The following TBC1D22A variants were observed in gnomAD, a reference collection of about 807,000 sequenced individuals.
TBC1D22A encodes the protein putative GTPase activator.
TBC1D22A carries 38 observed loss-of-function variants against 60.2 expected under a neutral mutation model. That is an observed-to-expected ratio of 0.63 (90% CI 0.49 to 0.83). TBC1D22A has a LOEUF of 0.83. TBC1D22A is among the 40% of genes least tolerant of loss of function. The pLI is 0.00. For synonymous variants in TBC1D22A, 302 were observed against 281.7 expected (o/e 1.07, Z -0.72); for missense variants, 628 against 701.0 (o/e 0.90, Z 1.18).
chr22:46,774,378 C>A (rs993416868), intron 1 of TBC1D22A: 44 of 471,318 alleles, frequency 9.3e-5, no homozygotes, highest in Admixed American at 3.2e-4. Context: ...TTTTGAGTAT[C>A]CCCAGACTTT....
In TBC1D22A at chr22:47,175,298, C is replaced by G. The variant is rs1161900328; in HGVS notation, c.*1672C>G. The G allele has an allele frequency of 4.6e-5, 7 of 152,418 alleles. No individual in the cohort carries two copies. Among genetic ancestry groups the G allele is most frequent in the Admixed American group, 4.6e-4 (7 of 15,294 alleles). The allele number at this position is 152,418 out of a possible 1,614,324, so 9.4% of individuals were successfully genotyped here. ...GTCCCCACCCCAGGGTCAAGGGTTC[C>G]TCAGACCAGCCATGCCTCCTCCTCC... On this transcript the variant is annotated 3_prime_UTR_variant, in exon 13 of 13. Transcript: ENST00000337137.
At position 47,173,743 on chromosome 22, in the gene TBC1D22A, C is replaced by T. The variant is rs2068581743; in HGVS notation, c.*117C>T. ...TGCTAAAAGGCCTTGTGAGGTGGCC[C>T]CACCCTCCAGGGGAGCTGGTGAAGA... is the stretch of plus-strand genomic sequence containing the variant. On this transcript the variant is annotated 3_prime_UTR_variant, in exon 13 of 13. Transcript: ENST00000337137. 6.7e-7 allele frequency: 1 copy of T among 1,497,780 alleles called. No homozygotes were observed. Among genetic ancestry groups the T allele is most frequent in the Non-Finnish European group, 9.1e-7 (1 of 1,101,194 alleles). The allele number at this position is 1,497,780 out of a possible 1,614,324, so 92.8% of individuals were successfully genotyped here.
At chr22:46,810,347 T>A (rs1454658868) in intron 4 of TBC1D22A, among the ~76,000 whole-genome samples, 1 of 152,208 alleles carries the variant, frequency 6.6e-6, no homozygotes, top group Non-Finnish European at 1.5e-5. Context: ...TCGAGTAGAT[T>A]TATATAGACG....
chr22:47,080,084 A>G (rs2064399624), intron 11 of TBC1D22A, among the ~76,000 whole-genome samples: 1 of 152,216 alleles, frequency 6.6e-6, no homozygotes, highest in Non-Finnish European at 1.5e-5. Flanking sequence ...AAAAACGTAT[A>G]AACTACCCTA....
Position 46,869,397 on chromosome 22 carries a change from G to A in TBC1D22A, c.638-9256G>A, listed in dbSNP as rs142109882. 7.1e-3 allele frequency among the ~76,000 whole-genome samples: 1,087 copies of A among 152,330 alleles called. 9 individuals are homozygous for A. The highest frequency in any genetic ancestry group is 0.048 in the Middle Eastern group (14 of 294). Reference sequence around the variant, plus strand: ...GTTATTTGACAGTGAGCCCCTTGAGGGAAGGAACTGGGTTTAATCACTCCC... The same window carrying A: ...GTTATTTGACAGTGAGCCCCTTGAGAGAAGGAACTGGGTTTAATCACTCCC... On this transcript the variant is annotated intron_variant, in intron 4 of 12. Coordinates refer to ENST00000337137, the MANE Select transcript of TBC1D22A (RefSeq NM_014346.5).
At chr22:46,984,882 G>A (rs913548199) in intron 9 of TBC1D22A, among the ~76,000 whole-genome samples, 4 of 152,192 alleles carry the variant, frequency 2.6e-5, no homozygotes, top group Non-Finnish European at 4.4e-5. Flanking sequence ...TGGGGCTGGC[G>A]TGAGTTGACC....
chr22:47,132,572 G>T (rs1320043653), intron 12 of TBC1D22A, among the ~76,000 whole-genome samples: 1 of 152,210 alleles, frequency 6.6e-6, no homozygotes, highest in Non-Finnish European at 1.5e-5. Context: ...GACCCCACAG[G>T]ACATGAGCTG....
At chr22:46,964,550 G>A (rs1027936841) in intron 8 of TBC1D22A, among the ~76,000 whole-genome samples, 59 of 151,976 alleles carry the variant, frequency 3.9e-4, no homozygotes, top group African/African-American at 1.2e-3. Context: ...AAAACATCCC[G>A]AAAGGAAGCA....
chr22:46,907,663 A>G (rs1388654692), intron 7 of TBC1D22A, among the ~76,000 whole-genome samples: 1 of 152,076 alleles, frequency 6.6e-6, no homozygotes, highest in Non-Finnish European at 1.5e-5. Context: ...TTTAGCCACA[A>G]AGAGCTTCCC....
intron 12 of TBC1D22A, among the ~76,000 whole-genome samples, chr22:47,169,642 A>G (rs2068354848): frequency 6.6e-6 from 1 of 152,130 alleles, no homozygotes; most frequent in Non-Finnish European, 1.5e-5. Context: ...AGGCTGATGG[A>G]GAAAGGCAGG....
intron 7 of TBC1D22A, among the ~76,000 whole-genome samples, chr22:46,902,754 A>G (rs2069091715): frequency 6.6e-6 from 1 of 150,976 alleles, no homozygotes; most frequent in African/African-American, 2.5e-5. Context: ...ACAAAGTTGT[A>G]ATGGTTGTGA....
intron 12 of TBC1D22A, among the ~76,000 whole-genome samples, chr22:47,125,453 C>A (rs142577844): frequency 6.6e-6 from 1 of 152,206 alleles, no homozygotes; most frequent in African/African-American, 2.4e-5. Flanking sequence ...CTTCGAAAAG[C>A]TCCCTATTAA....
At chr22:47,065,573 T>C (rs1411581707) in intron 11 of TBC1D22A, among the ~76,000 whole-genome samples, 1 of 45,664 alleles carries the variant, frequency 2.2e-5, no homozygotes, top group Non-Finnish European at 3.7e-5. Flanking sequence ...AAGAAACAAG[T>C]ATTAGTGAAG....
intron 8 of TBC1D22A, among the ~76,000 whole-genome samples, chr22:46,924,745 C>A (rs1315801714): frequency 1.3e-5 from 2 of 149,102 alleles, no homozygotes; most frequent in South Asian, 2.1e-4. Context: ...AACTCTATCT[C>A]AAAAAAAAAA....
At chr22:46,991,762 G>A (rs1005357893) in intron 9 of TBC1D22A, among the ~76,000 whole-genome samples, 4 of 152,100 alleles carry the variant, frequency 2.6e-5, no homozygotes, top group Non-Finnish European at 4.4e-5. Flanking sequence ...CGCTGACTCC[G>A]ACGTGGCCTT....
intron 12 of TBC1D22A, chr22:47,115,979 ATC>A (rs1175025898): frequency 1.6e-4 from 25 of 152,366 alleles, no homozygotes; most frequent in Non-Finnish European, 3.5e-4. Context: ...ATCTTCATTT[ATC>A]CATTTTACCC....
At chr22:47,011,820 T>C (rs1457555550) in intron 10 of TBC1D22A, among the ~76,000 whole-genome samples, 1 of 152,198 alleles carries the variant, frequency 6.6e-6, no homozygotes, top group African/African-American at 2.4e-5. Context: ...AAAATCTGCA[T>C]GTGTGGAAAA....
In TBC1D22A at chr22:46,793,465, G is replaced by C. The variant is rs767263405; in HGVS notation, c.120-36G>C. 11 of 1,607,742 alleles carry C rather than the reference G, an allele frequency of 6.8e-6. No homozygotes were observed. In the Admixed American group the frequency reaches 8.4e-5, roughly 12 times the overall value. On this transcript the variant is annotated intron_variant, in intron 2 of 12. Transcript: ENST00000337137. ...CTGGCTGGTTTTGGGTGAAGCCTTC[G>C]AGCATGTACGAGTAAAGACTGCCTT...
intron 9 of TBC1D22A, among the ~76,000 whole-genome samples, chr22:46,984,075 T>G (rs1436933785): frequency 6.6e-6 from 1 of 151,946 alleles, no homozygotes; most frequent in Non-Finnish European, 1.5e-5. Context: ...CAGTGAGAAG[T>G]TCCAGGCTGG....
Sources: allele counts gnomAD v4.1 joint callset (sites outside exome capture counted in the v4.1 genomes callset), GRCh38; gene constraint gnomAD v4.1.1; transcripts MANE v1.5; gene names NCBI Gene and HGNC (gene_info 2026-07-23, HGNC 2026-07-21).